DCHS2: variants seen among roughly 807,000 people sequenced by gnomAD.
DCHS2 encodes dachsous cadherin-related 2.
DCHS2 carries 142 observed loss-of-function variants against 182.4 expected under a neutral mutation model. That is an observed-to-expected ratio of 0.78 (90% CI 0.68 to 0.89). The LOEUF (loss-of-function observed/expected upper bound fraction) is 0.89, where lower values mean the gene tolerates loss of function less well. DCHS2 is among the 40% of genes least tolerant of loss of function. DCHS2 has a pLI of 0.00. For missense variants in DCHS2, 4,319 were observed against 4,198.6 expected (o/e 1.03, Z -0.79); for synonymous variants, 1,740 against 1,663.3 (o/e 1.05, Z -1.12).
chr4:154,489,477 C>G lies in DCHS2; in HGVS notation c.1879G>C (p.Glu627Gln), dbSNP rs1728709673. 3.2e-6 allele frequency: 5 copies of G among 1,551,722 alleles called. No homozygotes were observed. The African/African-American group carries it at 4.1e-5, about 13-fold the overall frequency. ...GCCACCACTTTCAGCTCCACCGCCT[C>G]CTGGACCTCTCGGTCTAGAGTCCGG... ...TIRTLDREVQEAVELKVVAQD... is the reference protein window; with the variant it reads ...TIRTLDREVQQAVELKVVAQD... The change falls in exon 1 of 20, where the codon GAG (glutamate) becomes CAG (glutamine). Residue 627 changes from glutamate (E) to glutamine (Q), a missense_variant. Physicochemically the swap from Glu to Gln is conservative, Grantham distance 29. Coordinates refer to ENST00000357232, the MANE Select transcript of DCHS2 (RefSeq NM_001358235.2).
chr4:154,373,575 T>C (rs1335117938), intron 2 of DCHS2, among the ~76,000 whole-genome samples: 1 of 152,194 alleles, frequency 6.6e-6, no homozygotes. Context: ...TGGGGATTTG[T>C]TAAAAGCCTG....
chr4:154,440,465 CT>C (rs33991529), intron 1 of DCHS2, among the ~76,000 whole-genome samples: 69,793 of 151,862 alleles, frequency 0.46, 16,530 homozygotes, highest in Middle Eastern at 0.68. Context: ...TCAAAAGAGC[CT>C]TTTTTGGGCA....
chr4:154,470,392 G>A (rs1735409919), intron 1 of DCHS2, among the ~76,000 whole-genome samples: 1 of 151,854 alleles, frequency 6.6e-6, no homozygotes, highest in Admixed American at 6.6e-5. Context: ...GGTGGCTGAG[G>A]CAGGAGGATC....
chr4:154,490,593 C>G lies in DCHS2; in HGVS notation c.763G>C (p.Asp255His). Residue 255 changes from aspartate (D) to histidine (H), a missense_variant, in exon 1 of 20, where the codon GAC becomes CAC. Coordinates refer to ENST00000357232, the MANE Select transcript of DCHS2 (RefSeq NM_001358235.2). The part of the protein sequence containing the change: ...PLDLVLLRRL[D>H]REEAAAHRLQ... ...CGGTGCGCCGCCGCCTCCTCTCGGT[C>G]CAAGCGCCGCAGCAGCACCAGATCT... 1 of 1,546,520 alleles carries G rather than the reference C, an allele frequency of 6.5e-7. No individual in the cohort carries two copies. The highest frequency in any genetic ancestry group is 8.7e-7 in the Non-Finnish European group (1 of 1,146,346).
rs780163412 is a variant in DCHS2 at position 154,320,783 on chromosome 4, C to T, written c.4616G>A (p.Gly1539Asp). ...TTGTATTCTACTGTTCAAAAAACTGCCGTCATCATCTTTGGCATTGAAGAC... is the reference window on the plus strand; with the variant it reads ...TTGTATTCTACTGTTCAAAAAACTGTCGTCATCATCTTTGGCATTGAAGAC... ...VYVFNAKDDD[G>D]SFLNSRIQYY... is the part of the protein sequence containing the mutation. The change falls in exon 9 of 20, where the codon GGC (glycine) becomes GAC (aspartate). Residue 1539 changes from glycine (G) to aspartate (D), a missense_variant. By Grantham distance (94) the Gly-to-Asp change is moderately conservative. Coordinates refer to ENST00000357232, the MANE Select transcript of DCHS2 (RefSeq NM_001358235.2). 6 of 1,614,022 alleles carry T rather than the reference C, an allele frequency of 3.7e-6. No homozygotes were observed. Among genetic ancestry groups the T allele is most frequent in the Admixed American group, 1.7e-5 (1 of 59,980 alleles).
chr4:154,378,560 G>GGAAA (rs1731031350), intron 1 of DCHS2, among the ~76,000 whole-genome samples: 1 of 151,088 alleles, frequency 6.6e-6, no homozygotes, highest in African/African-American at 2.4e-5. Context: ...AAGGAAGGAA[G>GGAAA]GAAGGTAGGA....
intron 16 of DCHS2, among the ~76,000 whole-genome samples, chr4:154,248,841 C>A (rs985904001): frequency 2.6e-5 from 4 of 152,110 alleles, no homozygotes; most frequent in Non-Finnish European, 5.9e-5. Flanking sequence ...GAGGAAAGCA[C>A]TCCCTATTCA....
intron 1 of DCHS2, among the ~76,000 whole-genome samples, chr4:154,459,222 G>A (rs914808707): frequency 6.6e-6 from 1 of 151,946 alleles, no homozygotes; most frequent in Non-Finnish European, 1.5e-5. Flanking sequence ...ATATTCTCAC[G>A]ACAAAATGGA....
At chr4:154,419,400 T>C (rs1352297677) in intron 1 of DCHS2, among the ~76,000 whole-genome samples, 4 of 151,970 alleles carry the variant, frequency 2.6e-5, no homozygotes, top group Non-Finnish European at 4.4e-5. Flanking sequence ...ATTTTAAAAA[T>C]GCTACTTTGT....
intron 1 of DCHS2, among the ~76,000 whole-genome samples, chr4:154,456,037 C>A (rs1283830374): frequency 1.3e-5 from 2 of 151,928 alleles, no homozygotes; most frequent in African/African-American, 2.4e-5. Context: ...TTGCAATGAG[C>A]TGAGATCATG....
At chr4:154,316,490 G>A (rs993209231) in intron 9 of DCHS2, among the ~76,000 whole-genome samples, 1 of 152,148 alleles carries the variant, frequency 6.6e-6, no homozygotes, top group African/African-American at 2.4e-5. Flanking sequence ...CAGGCCAGGT[G>A]TAGTGGCTCA....
intron 1 of DCHS2, among the ~76,000 whole-genome samples, chr4:154,423,993 G>C (rs897591522): frequency 6.6e-6 from 1 of 152,186 alleles, no homozygotes; most frequent in African/African-American, 2.4e-5. Flanking sequence ...TGGCATTTTA[G>C]AAATATCTTC....
chr4:154,472,154 C>T (rs1327913179), intron 1 of DCHS2, among the ~76,000 whole-genome samples: 1 of 152,228 alleles, frequency 6.6e-6, no homozygotes, highest in Non-Finnish European at 1.5e-5. Context: ...TGGTTGTCAA[C>T]AGTGTCACAC....
intron 3 of DCHS2, chr4:154,343,321 GC>G (rs1729197924): frequency 1.6e-6 from 1 of 630,084 alleles, no homozygotes; most frequent in Non-Finnish European, 2.4e-6. Flanking sequence ...AGCTGCATTA[GC>G]CCCTAACAAG....
chr4:154,427,531 C>A (rs6843389), intron 1 of DCHS2, among the ~76,000 whole-genome samples: 8,478 of 152,296 alleles, frequency 0.056, 325 homozygotes, highest in East Asian at 0.14. Flanking sequence ...CTGAGGGCTG[C>A]CCAATTTGCG....
chr4:154,380,844 G>T (rs1287122828), intron 1 of DCHS2, among the ~76,000 whole-genome samples: 1 of 152,008 alleles, frequency 6.6e-6, no homozygotes, highest in Non-Finnish European at 1.5e-5. Context: ...ATTAATATTG[G>T]GTCTTGAATG....
chr4:154,474,355 G>A (rs928316953), intron 1 of DCHS2, among the ~76,000 whole-genome samples: 6 of 152,172 alleles, frequency 3.9e-5, no homozygotes, highest in Non-Finnish European at 7.3e-5. Flanking sequence ...CCAGGCACTC[G>A]TTCCTCCATC....
In DCHS2 at chr4:154,320,428, G is replaced by A; in HGVS notation, c.4971C>T (p.Ser1657=). ...TCATGTTTTCATTTCCTGAGAGGAT[G>A]CTGTATGTTACTTTTCCATTCCTTC... ...DEGRNGKVTY[S]ILSGNENMTF... The change falls in exon 9 of 20, where the codon AGC becomes AGT. Residue 1657 remains serine (S), a synonymous_variant. Coordinates refer to ENST00000357232, the MANE Select transcript of DCHS2 (RefSeq NM_001358235.2). 2 of 1,614,096 alleles carry A rather than the reference G, an allele frequency of 1.2e-6. No homozygotes were observed. The highest frequency in any genetic ancestry group is 1.7e-6 in the Non-Finnish European group (2 of 1,179,976).
intron 1 of DCHS2, chr4:154,384,404 G>C (rs1323618468): frequency 3.1e-6 from 5 of 1,613,032 alleles, no homozygotes; most frequent in Non-Finnish European, 4.2e-6. Flanking sequence ...TCTCTTCCTG[G>C]CTTCTGAACA....
Sources: allele counts gnomAD v4.1 joint callset (sites outside exome capture counted in the v4.1 genomes callset), GRCh38; gene constraint gnomAD v4.1.1; transcripts MANE v1.5; gene names NCBI Gene and HGNC (gene_info 2026-07-23, HGNC 2026-07-21).